Variants in CLIP1 observed in about 807,000 individuals in gnomAD.
The protein encoded by CLIP1 is CAP-Gly domain containing linker protein 1, also known as CAP-Gly domain-containing linker protein 1.
Under a neutral mutation model 161.6 loss-of-function variants are expected in CLIP1, and 66 were observed. The ratio of observed to expected loss-of-function variants is 0.41; its 90% confidence interval spans 0.33 to 0.50. The LOEUF (loss-of-function observed/expected upper bound fraction) is 0.50, where lower values mean the gene tolerates loss of function less well. Ranked by LOEUF, CLIP1 falls within the 20% of genes least tolerant of loss-of-function variation. CLIP1 has a pLI of 0.27. For missense variants in CLIP1, 1,376 were observed against 1,702.0 expected (o/e 0.81, Z 3.37); for synonymous variants, 598 against 626.2 (o/e 0.96, Z 0.67).
intron 3 of CLIP1, among the ~76,000 whole-genome samples, chr12:122,369,978 C>T (rs1251232483): frequency 2.0e-5 from 3 of 151,844 alleles, no homozygotes; most frequent in Non-Finnish European, 4.4e-5. Flanking sequence ...GCCTGGGCAA[C>T]ATGGCGAAAC....
At chr12:122,372,497 G>T (rs762947353) in intron 3 of CLIP1, among the ~76,000 whole-genome samples, 18 of 151,228 alleles carry the variant, frequency 1.2e-4, no homozygotes, top group South Asian at 4.2e-4. Context: ...TGAGGCAGGA[G>T]AATCGCTTGA....
At chr12:122,389,758 C>CAAACAAAAAAAAAAA (rs1404700235) in intron 1 of CLIP1, among the ~76,000 whole-genome samples, 1 of 69,318 alleles carries the variant, frequency 1.4e-5, no homozygotes, top group Non-Finnish European at 2.6e-5. Context: ...GATCCTGTCT[C>CAAACAAAAAAAAAAA]AAAAAAAAAA....
chr12:122,283,910 C>T (rs1346072655), intron 21 of CLIP1, among the ~76,000 whole-genome samples: 1 of 152,154 alleles, frequency 6.6e-6, no homozygotes, highest in Non-Finnish European at 1.5e-5. Flanking sequence ...TCAGTTCTTG[C>T]ATGACCAACT....
At chr12:122,285,050 A>C (rs564395867) in intron 21 of CLIP1, among the ~76,000 whole-genome samples, 1 of 152,310 alleles carries the variant, frequency 6.6e-6, no homozygotes, top group South Asian at 2.1e-4. Context: ...ACCTGGGCTC[A>C]AGTGATCCTC....
At chr12:122,328,490 T>A (rs1951797210) in intron 15 of CLIP1, 64 bp from the exon 16 acceptor site, 1 of 940,754 alleles carries the variant, frequency 1.1e-6, no homozygotes, top group African/African-American at 1.7e-5. Context: ...TTAAGTTATA[T>A]TAAAATATAC....
chr12:122,324,492 A>C (rs1246363370), intron 17 of CLIP1, among the ~76,000 whole-genome samples: 1 of 152,246 alleles, frequency 6.6e-6, no homozygotes, highest in African/African-American at 2.4e-5. Context: ...CAATTTCTAC[A>C]ATAAACTTTA....
intron 1 of CLIP1, chr12:122,399,656 A>C (rs536805614): frequency 2.2e-4 from 34 of 152,274 alleles, no homozygotes; most frequent in African/African-American, 8.2e-4. Context: ...CAGGAGAGGG[A>C]GTTTAACACC....
chr12:122,376,912 T>C (rs1954763414), intron 3 of CLIP1, among the ~76,000 whole-genome samples: 1 of 152,140 alleles, frequency 6.6e-6, no homozygotes, highest in Non-Finnish European at 1.5e-5. Flanking sequence ...TGTTGCGTAG[T>C]TACCCATAAA....
In CLIP1 at chr12:122,376,740, G is replaced by T. The variant is rs1047988178; in HGVS notation, c.657+649C>A. On this transcript the variant is annotated intron_variant, in intron 3 of 25. Coordinates refer to ENST00000620786, the MANE Select transcript of CLIP1 (RefSeq NM_001247997.2). The stretch of plus-strand genomic sequence containing the variant: ...CCACCTGGGACTCCCAAAGTGCTGG[G>T]ATTACAGGCATGAGCCACGGCACCT... Among the ~76,000 whole-genome samples, 32 of 152,008 alleles carry T rather than the reference G, an allele frequency of 2.1e-4. 1 individual carries two copies. The highest frequency in any genetic ancestry group is 7.5e-4 in the African/African-American group (31 of 41,336).
In CLIP1 at chr12:122,355,159, C is replaced by T; in HGVS notation, c.1159G>A (p.Glu387Lys). The change falls in exon 6 of 26, where the codon GAG becomes AAG. Residue 387 changes from glutamate to lysine, a missense_variant. Physicochemically the swap from Glu to Lys is moderately conservative, Grantham distance 56. Coordinates refer to ENST00000620786, the MANE Select transcript of CLIP1 (RefSeq NM_001247997.2). This position sits in a 1 kb window ranked among gnomAD's most constrained non-coding sequence, Gnocchi z 4.1. ...EVAKATSHVG[E>K]IEQELALARD... Reference sequence around the variant, plus strand: ...GCCAGAGCTAGCTCCTGCTCTATCTCCCCCACGTGGCTCGTGGCCTTGGCC... The same window carrying T: ...GCCAGAGCTAGCTCCTGCTCTATCTTCCCCACGTGGCTCGTGGCCTTGGCC... 2 of 1,614,226 alleles carry T rather than the reference C, an allele frequency of 1.2e-6. No individual in the cohort carries two copies. The highest frequency in any genetic ancestry group is 2.2e-5 in the South Asian group (2 of 91,084).
At chr12:122,315,182 C>A (rs1331020298) in intron 19 of CLIP1, among the ~76,000 whole-genome samples, 1 of 152,184 alleles carries the variant, frequency 6.6e-6, no homozygotes, top group Non-Finnish European at 1.5e-5. Flanking sequence ...CTTAAAACAG[C>A]AGTTTGGAAC....
At chr12:122,388,345 A>G (rs988410080) in intron 1 of CLIP1, among the ~76,000 whole-genome samples, 2 of 151,630 alleles carry the variant, frequency 1.3e-5, no homozygotes, top group Admixed American at 1.3e-4. Context: ...TCAGCCTCCC[A>G]AGTAGCTGGG....
chr12:122,413,874 GAA>G (rs111689069), intron 1 of CLIP1, among the ~76,000 whole-genome samples: 7 of 135,470 alleles, frequency 5.2e-5, no homozygotes, highest in African/African-American at 1.6e-4. Flanking sequence ...GAGATTAAAA[GAA>G]AAAAAAAAAA....
intron 20 of CLIP1, among the ~76,000 whole-genome samples, chr12:122,290,740 T>C (rs1191613724): frequency 6.6e-6 from 1 of 152,170 alleles, no homozygotes; most frequent in Non-Finnish European, 1.5e-5. Flanking sequence ...AAGGAAGAGA[T>C]GTTTGATATT....
chr12:122,408,581 C>T (rs1048755765), intron 1 of CLIP1, among the ~76,000 whole-genome samples: 1 of 151,992 alleles, frequency 6.6e-6, no homozygotes, highest in African/African-American at 2.4e-5. Context: ...ATCTCCTGAC[C>T]TCGTGATCCA....
intron 1 of CLIP1, among the ~76,000 whole-genome samples, chr12:122,410,458 CTTTTT>C (rs34639257): frequency 8.4e-6 from 1 of 119,514 alleles, no homozygotes. Flanking sequence ...CACACACACA[CTTTTT>C]TTTTTTTTTT....
At chr12:122,325,516 C>G (rs1951678241) in intron 17 of CLIP1, among the ~76,000 whole-genome samples, 1 of 152,048 alleles carries the variant, frequency 6.6e-6, no homozygotes, top group African/African-American at 2.4e-5. Context: ...GAGTCTCACT[C>G]TGTGGCCCAG....
intron 7 of CLIP1, among the ~76,000 whole-genome samples, chr12:122,353,779 C>T (rs1036854299): frequency 1.3e-5 from 2 of 151,584 alleles, no homozygotes; most frequent in African/African-American, 4.8e-5. Context: ...TACAGGCGCC[C>T]GCCAACAGGC....
At chr12:122,303,355 C>T (rs909937868) in intron 20 of CLIP1, among the ~76,000 whole-genome samples, 2 of 152,124 alleles carry the variant, frequency 1.3e-5, no homozygotes, top group East Asian at 1.9e-4. Flanking sequence ...ATCTTATTCT[C>T]GATGGCTCTA....
Sources: gnomAD v4.1 joint callset for allele counts (sites outside exome capture counted in the v4.1 genomes callset) on GRCh38, gnomAD v4.1.1 for gene constraint, Gnocchi (gnomAD v3.1) non-coding constraint, MANE v1.5 for transcripts, NCBI Gene and HGNC (gene_info 2026-07-23, HGNC 2026-07-21) for gene names.